The following SLC2A3 variants were observed in gnomAD, a reference collection of about 807,000 sequenced individuals.
SLC2A3 encodes the protein solute carrier family 2 member 3.
SLC2A3 carries 21 observed loss-of-function variants against 46.4 expected under a neutral mutation model. That is an observed-to-expected ratio of 0.45 (90% CI 0.32 to 0.65). SLC2A3 has a LOEUF of 0.65. SLC2A3 is among the 30% of genes least tolerant of loss of function. The pLI, the probability that SLC2A3 is intolerant of heterozygous loss-of-function variation, is 0.04. For missense variants in SLC2A3, 499 were observed against 623.3 expected (o/e 0.80, Z 2.12); for synonymous variants, 213 against 239.4 (o/e 0.89, Z 1.02).
At position 7,933,149 on chromosome 12, in the gene SLC2A3, T is replaced by A. The variant is rs148418907; in HGVS notation, c.109-2A>T. The A allele has an allele frequency of 6.2e-7, 1 of 1,613,776 alleles. No homozygotes were observed. The highest frequency in any genetic ancestry group is 8.5e-7 in the Non-Finnish European group (1 of 1,179,870). On this transcript the variant is annotated splice_acceptor_variant, in intron 2 of 9. Coordinates refer to ENST00000075120, the MANE Select transcript of SLC2A3 (RefSeq NM_006931.3). LOFTEE classifies it high-confidence loss of function. ...TTTATTGATAAATTCCTTTATGATC[T>A]GCAAAATAAAAGGGTTGGTGGAAGA...
intron 6 of SLC2A3, among the ~76,000 whole-genome samples, chr12:7,926,654 T>C (rs1946098091): frequency 6.6e-6 from 1 of 152,126 alleles, no homozygotes. Flanking sequence ...GCATGTGCCA[T>C]CAGGCCCAGC....
At chr12:7,926,175 T>C (rs1946093056) in intron 6 of SLC2A3, among the ~76,000 whole-genome samples, 1 of 152,250 alleles carries the variant, frequency 6.6e-6, no homozygotes, top group Non-Finnish European at 1.5e-5. Flanking sequence ...CACTGCTACC[T>C]CCACCTCCCA....
At chr12:7,926,332 CT>C (rs1261221793) in intron 6 of SLC2A3, among the ~76,000 whole-genome samples, 1 of 152,142 alleles carries the variant, frequency 6.6e-6, no homozygotes. Context: ...CTCAAGTGAC[CT>C]GCTCGCCTTG....
chr12:7,922,247 TAG>T (rs1946044478), intron 9 of SLC2A3, among the ~76,000 whole-genome samples: 1 of 152,110 alleles, frequency 6.6e-6, no homozygotes, highest in Non-Finnish European at 1.5e-5. Flanking sequence ...GTATTTATTG[TAG>T]AAACAGGGTT....
chr12:7,935,965 C>T, intron 1 of SLC2A3, 55 bp downstream of exon 1: 1 of 1,416,626 alleles, frequency 7.1e-7, no homozygotes, highest in Admixed American at 1.7e-5. Flanking sequence ...TAATATTTGC[C>T]TTTCTGAGTG....
rs1453681693 is a variant in SLC2A3 at position 7,925,967 on chromosome 12, T to A, written c.862-19A>T. The A allele has an allele frequency of 6.3e-7, 1 of 1,595,664 alleles. No homozygotes were observed. Among genetic ancestry groups the A allele is most frequent in the Non-Finnish European group, 8.6e-7 (1 of 1,163,338 alleles). ...AGAACACCTAGGAGAAAAGAAAACATGCAGCTTTGATGCAATTCTGCACAC... is the reference window on the plus strand; with the variant it reads ...AGAACACCTAGGAGAAAAGAAAACAAGCAGCTTTGATGCAATTCTGCACAC... On this transcript the variant is annotated intron_variant, in intron 6 of 9. Coordinates refer to ENST00000075120, the MANE Select transcript of SLC2A3 (RefSeq NM_006931.3).
intron 6 of SLC2A3, among the ~76,000 whole-genome samples, chr12:7,926,739 T>C (rs1946099386): frequency 6.6e-6 from 1 of 152,178 alleles, no homozygotes; most frequent in African/African-American, 2.4e-5. Flanking sequence ...AATTTGATAG[T>C]GAACTAATTG....
intron 3 of SLC2A3, chr12:7,932,678 TA>T (rs1190344540): frequency 3.5e-6 from 1 of 286,394 alleles, no homozygotes; most frequent in Non-Finnish European, 6.5e-6. Context: ...TCGGACCTTG[TA>T]AATTAAGTAT....
intron 1 of SLC2A3, 57 bp downstream of exon 1, chr12:7,935,963 G>C (rs879202020): frequency 7.4e-7 from 1 of 1,354,668 alleles, no homozygotes; most frequent in African/African-American, 1.4e-5. Flanking sequence ...ATTAATATTT[G>C]CCTTTCTGAG....
At chr12:7,923,345 A>G in intron 8 of SLC2A3, 1 of 230,186 alleles carries the variant, frequency 4.3e-6, no homozygotes, top group Non-Finnish European at 8.5e-6. Context: ...ATTAAAAAAA[A>G]ATTTTTTTTT....
At chr12:7,925,585 GT>G (rs1466459043) in intron 7 of SLC2A3, 1 of 338,474 alleles carries the variant, frequency 3.0e-6, no homozygotes. Flanking sequence ...GAGCTTGAGA[GT>G]TTTTCCAAGC....
intron 6 of SLC2A3, among the ~76,000 whole-genome samples, chr12:7,926,400 C>G (rs953267038): frequency 1.3e-5 from 2 of 152,074 alleles, no homozygotes; most frequent in Non-Finnish European, 2.9e-5. Context: ...CCTCCTTTCT[C>G]TCTCTAAATG....
In SLC2A3 at chr12:7,933,200, C is replaced by A. The variant is rs181460404; in HGVS notation, c.109-53G>T. 3,656 of 1,577,008 alleles carry A rather than the reference C, an allele frequency of 2.3e-3. 22 individuals carry two copies. The highest frequency in any genetic ancestry group is 2.7e-3 in the Non-Finnish European group (3,082 of 1,150,922). ...ACAGACTGTTACAGTTGGATGAGAA[C>A]AAAAGACAAACATTAGGGATCATTT... On this transcript the variant is annotated intron_variant, in intron 2 of 9. Transcript: ENST00000075120.
At chr12:7,935,291 A>G (rs1159665621) in intron 1 of SLC2A3, among the ~76,000 whole-genome samples, 1 of 152,064 alleles carries the variant, frequency 6.6e-6, no homozygotes, top group African/African-American at 2.4e-5. Flanking sequence ...CGTCTCTACT[A>G]AAAATACAAA....
At position 7,933,121 on chromosome 12, in the gene SLC2A3, A is replaced by T; in HGVS notation, c.135T>A (p.Thr45=). 6.2e-7 allele frequency: 1 copy of T among 1,614,124 alleles called. No individual in the cohort carries two copies. The highest frequency in any genetic ancestry group is 1.7e-5 in the Admixed American group (1 of 60,004). ...GTGGGGCATTTCCCTTGTCCGTCAA[A>T]GTTTTATTGATAAATTCCTTTATGA... The part of the protein sequence containing the change: ...EKIIKEFINK[T]LTDKGNAPPS... Residue 45 remains threonine (T), a synonymous_variant, in exon 3 of 10, where the codon ACT becomes ACA. Coordinates refer to ENST00000075120, the MANE Select transcript of SLC2A3 (RefSeq NM_006931.3).
At chr12:7,929,619 C>T (rs1946131116) in intron 6 of SLC2A3, 65 bp downstream of exon 6, 9 of 1,583,690 alleles carry the variant, frequency 5.7e-6, no homozygotes, top group Non-Finnish European at 7.7e-6. Flanking sequence ...GGCACACCGC[C>T]ACCATGCCCG....
At chr12:7,935,707 C>T (rs1946205820) in intron 1 of SLC2A3, among the ~76,000 whole-genome samples, 1 of 152,094 alleles carries the variant, frequency 6.6e-6, no homozygotes, top group Non-Finnish European at 1.5e-5. Context: ...CACTTGTAAT[C>T]CATACAACCA....
chr12:7,920,466 C>T lies in SLC2A3; in HGVS notation c.*947G>A, dbSNP rs1946023825. 6.6e-6 allele frequency: 1 copy of T among 152,132 alleles called. No individual in the cohort carries two copies. Among genetic ancestry groups the T allele is most frequent in the Admixed American group, 6.5e-5 (1 of 15,272 alleles). 9.4% of individuals were successfully genotyped at this position (152,132 alleles called of 1,614,324 possible). On this transcript the variant is annotated 3_prime_UTR_variant, in exon 10 of 10. Coordinates refer to ENST00000075120, the MANE Select transcript of SLC2A3 (RefSeq NM_006931.3). ...ATTAGAACCCATCAACCATCATTAA[C>T]TACAATGCCCATATTAGTTAATAAT...
At position 7,930,650 on chromosome 12, in the gene SLC2A3, C is replaced by T. The variant is rs182556380; in HGVS notation, c.511-8G>A. On this transcript the variant is annotated splice_region_variant and splice_polypyrimidine_tract_variant and intron_variant, in intron 4 of 9. Coordinates refer to ENST00000075120, the MANE Select transcript of SLC2A3 (RefSeq NM_006931.3). ...GAATTCCAGACCAAAGATCTAGAAA[C>T]CACACAAAGATAATGCTATAAACCC... 2.9e-5 allele frequency: 47 copies of T among 1,611,618 alleles called. No individual in the cohort carries two copies. Among genetic ancestry groups the T allele is most frequent in the Middle Eastern group, 3.3e-4 (2 of 6,058 alleles).
Sources: gnomAD v4.1 joint callset for allele counts (sites outside exome capture counted in the v4.1 genomes callset) on GRCh38, gnomAD v4.1.1 for gene constraint, MANE v1.5 for transcripts, NCBI Gene and HGNC (gene_info 2026-07-23, HGNC 2026-07-21) for gene names.